UNC13B: variants seen among roughly 807,000 people sequenced by gnomAD.
The protein encoded by UNC13B is protein unc-13 homolog B.
Under a neutral mutation model 211.0 loss-of-function variants are expected in UNC13B, and 144 were observed. The observed-to-expected ratio is 0.68, with a 90% CI of 0.60 to 0.78. The LOEUF (loss-of-function observed/expected upper bound fraction) is 0.78, where lower values mean the gene tolerates loss of function less well. UNC13B is among the 30% of genes least tolerant of loss of function. UNC13B has a pLI of 0.00. For missense variants in UNC13B, 1,777 were observed against 2,002.0 expected (o/e 0.89, Z 2.14); for synonymous variants, 709 against 725.8 (o/e 0.98, Z 0.37).
chr9:35,212,233 A>C (rs2131421070), intron 1 of UNC13B, among the ~76,000 whole-genome samples: 1 of 152,366 alleles, frequency 6.6e-6, no homozygotes, highest in South Asian at 2.1e-4. Flanking sequence ...TGTCACAAAA[A>C]GTAAGAGAAA....
chr9:35,359,584 A>C (rs1306248651), intron 11 of UNC13B, among the ~76,000 whole-genome samples: 1 of 151,836 alleles, frequency 6.6e-6, no homozygotes, highest in Non-Finnish European at 1.5e-5. Flanking sequence ...TGCCTTTCCT[A>C]TTGTCTTTCT....
intron 39 of UNC13B, 57 bp from the exon 40 acceptor site, chr9:35,403,691 G>A: frequency 1.2e-6 from 2 of 1,605,428 alleles, no homozygotes; most frequent in Middle Eastern, 1.7e-4. Flanking sequence ...GGCAGACTGG[G>A]GTGAAATCAG....
At chr9:35,219,412 G>GC (rs1176074230) in intron 1 of UNC13B, among the ~76,000 whole-genome samples, 1 of 152,064 alleles carries the variant, frequency 6.6e-6, no homozygotes, top group African/African-American at 2.4e-5. Context: ...AAACAGCGAG[G>GC]TATAGATAGA....
chr9:35,395,657 C>T (rs532708711), intron 26 of UNC13B, among the ~76,000 whole-genome samples: 57 of 152,294 alleles, frequency 3.7e-4, no homozygotes, highest in African/African-American at 1.2e-3. Flanking sequence ...AACTATGAAG[C>T]GGGTAGATGA....
intron 7 of UNC13B, among the ~76,000 whole-genome samples, chr9:35,276,753 GT>G (rs1828200406): frequency 6.6e-6 from 1 of 152,058 alleles, no homozygotes; most frequent in African/African-American, 2.4e-5. Context: ...TCACAGTTTC[GT>G]GTATATTCCC....
At chr9:35,298,065 T>C (rs935134471) in intron 8 of UNC13B, among the ~76,000 whole-genome samples, 1 of 152,192 alleles carries the variant, frequency 6.6e-6, no homozygotes, top group African/African-American at 2.4e-5. Flanking sequence ...ATTATTTTAT[T>C]GATTGGAGGT....
chr9:35,381,512 A>C, intron 19 of UNC13B, 44 bp from the exon 20 acceptor site: 2 of 1,568,014 alleles, frequency 1.3e-6, no homozygotes, highest in Non-Finnish European at 1.7e-6. Context: ...TTTGTCTTTC[A>C]TATGTGTTTA....
intron 26 of UNC13B, among the ~76,000 whole-genome samples, chr9:35,394,202 G>C (rs1435355704): frequency 1.3e-5 from 2 of 152,152 alleles, no homozygotes; most frequent in South Asian, 2.1e-4. Flanking sequence ...GAACAAGAGG[G>C]TAAGATTAGT....
At chr9:35,341,235 T>G (rs1408542898) in intron 11 of UNC13B, among the ~76,000 whole-genome samples, 3 of 152,200 alleles carry the variant, frequency 2.0e-5, no homozygotes, top group African/African-American at 7.2e-5. Flanking sequence ...TAACTTCCCC[T>G]CCTTCTCTCG....
intron 1 of UNC13B, among the ~76,000 whole-genome samples, chr9:35,189,475 A>G (rs934225113): frequency 6.6e-6 from 1 of 152,198 alleles, no homozygotes; most frequent in Non-Finnish European, 1.5e-5. Flanking sequence ...TTGCATTTTG[A>G]CGACACTTGC....
At chr9:35,167,859 C>A (rs995340986) in intron 1 of UNC13B, among the ~76,000 whole-genome samples, 72 of 151,158 alleles carry the variant, frequency 4.8e-4, no homozygotes, top group African/African-American at 1.7e-3. Context: ...CTCCTCGGCC[C>A]CCCAGAGTGC....
intron 11 of UNC13B, among the ~76,000 whole-genome samples, chr9:35,324,652 A>G (rs915774901): frequency 6.6e-6 from 1 of 152,210 alleles, no homozygotes. Flanking sequence ...ACTTCTGCAC[A>G]GTCCCTCCTG....
intron 11 of UNC13B, among the ~76,000 whole-genome samples, chr9:35,336,128 C>T (rs1831642207): frequency 6.6e-6 from 1 of 152,172 alleles, no homozygotes; most frequent in African/African-American, 2.4e-5. Flanking sequence ...TAACCTGTAA[C>T]TGATAAATCC....
intron 11 of UNC13B, among the ~76,000 whole-genome samples, chr9:35,314,801 GTATA>G (rs58978538): frequency 1.4e-5 from 2 of 143,702 alleles, no homozygotes; most frequent in African/African-American, 2.6e-5. Context: ...CCCATGGTGT[GTATA>G]TATATATATA....
intron 7 of UNC13B, among the ~76,000 whole-genome samples, chr9:35,261,611 T>C (rs533444257): frequency 6.6e-6 from 1 of 152,212 alleles, no homozygotes; most frequent in Non-Finnish European, 1.5e-5. Context: ...CATTTCTTTG[T>C]GTTACAAATA....
At chr9:35,269,391 G>A (rs1338139932) in intron 7 of UNC13B, among the ~76,000 whole-genome samples, 1 of 152,156 alleles carries the variant, frequency 6.6e-6, no homozygotes, top group Non-Finnish European at 1.5e-5. Flanking sequence ...GTGGAGTTTT[G>A]GGTGCACTAC....
At chr9:35,397,040 T>C in intron 28 of UNC13B, 103 bp downstream of exon 28, 3 of 1,599,594 alleles carry the variant, frequency 1.9e-6, no homozygotes, top group Non-Finnish European at 2.6e-6. Flanking sequence ...ATGCCTGCCC[T>C]GTGGAGTTCA....
At chr9:35,184,701 GAAGA>G (rs57262291) in intron 1 of UNC13B, among the ~76,000 whole-genome samples, 116,931 of 142,486 alleles carry the variant, frequency 0.82, 48,176 homozygotes, top group East Asian at 0.98. Context: ...GAGGGAGACT[GAAGA>G]AAGAAAGAAA....
intron 22 of UNC13B, chr9:35,384,940 T>G: frequency 5.0e-6 from 4 of 807,602 alleles, no homozygotes; most frequent in Non-Finnish European, 6.0e-6. Flanking sequence ...ATATGCACAT[T>G]AAAAAGTAAG....
Sources: allele counts gnomAD v4.1 joint callset (sites outside exome capture counted in the v4.1 genomes callset), GRCh38; gene constraint gnomAD v4.1.1; transcripts MANE v1.5; gene names NCBI Gene and HGNC (gene_info 2026-07-23, HGNC 2026-07-21).